The following KCNMA1 variants were observed in gnomAD, a reference collection of about 807,000 sequenced individuals.
KCNMA1 encodes potassium calcium-activated channel subfamily M alpha 1.
KCNMA1 carries 29 observed loss-of-function variants against 140.0 expected under a neutral mutation model. The ratio of observed to expected loss-of-function variants is 0.21; its 90% CI spans 0.15 to 0.28. KCNMA1 has a LOEUF of 0.28. Ranked by LOEUF, KCNMA1 falls within the 10% of genes least tolerant of loss-of-function variation. The probability of loss-of-function intolerance (pLI) is 1.00; values close to 1 mark genes in which losing one functional copy is unlikely to be tolerated. For synonymous variants in KCNMA1, 612 were observed against 611.9 expected (o/e 1.00, Z 0.00); for missense variants, 880 against 1,602.2 (o/e 0.55, Z 7.70).
At chr10:77,348,112 C>T (rs759485866) in intron 2 of KCNMA1, among the ~76,000 whole-genome samples, 11 of 152,260 alleles carry the variant, frequency 7.2e-5, no homozygotes, top group South Asian at 4.2e-4. Context: ...CTAGAATCAC[C>T]GGGATAAACA....
chr10:77,295,202 G>A (rs1452568678), intron 2 of KCNMA1, among the ~76,000 whole-genome samples: 1 of 151,454 alleles, frequency 6.6e-6, no homozygotes, highest in African/African-American at 2.4e-5. Flanking sequence ...ACAAAAATTA[G>A]CCAGCAAGGT....
intron 3 of KCNMA1, among the ~76,000 whole-genome samples, chr10:77,191,977 T>C (rs1431372187): frequency 1.3e-5 from 2 of 152,128 alleles, no homozygotes; most frequent in African/African-American, 2.4e-5. Flanking sequence ...ATGTATTCCA[T>C]GTTGAAATGA....
At chr10:77,473,003 C>T (rs1288805326) in intron 1 of KCNMA1, among the ~76,000 whole-genome samples, 1 of 152,214 alleles carries the variant, frequency 6.6e-6, no homozygotes, top group East Asian at 1.9e-4. Context: ...AGCGGGGCCA[C>T]CCACCAGGGT....
At chr10:76,891,492 C>G (rs761704297) in intron 26 of KCNMA1, 33 bp downstream of exon 26, 1 of 1,581,688 alleles carries the variant, frequency 6.3e-7, no homozygotes, top group East Asian at 2.2e-5. Context: ...TCCCAAACAG[C>G]AAGCTCAGGT....
intron 1 of KCNMA1, among the ~76,000 whole-genome samples, chr10:77,476,511 A>T (rs531558696): frequency 3.1e-4 from 47 of 152,276 alleles, no homozygotes; most frequent in African/African-American, 1.1e-3. Context: ...AGGCCTTAGC[A>T]CAGGGATCCC....
intron 24 of KCNMA1, 77 bp from the exon 25 acceptor site, chr10:76,910,173 G>C: frequency 6.5e-7 from 1 of 1,529,704 alleles, no homozygotes; most frequent in East Asian, 2.3e-5. Flanking sequence ...CCAGGCTACT[G>C]GTTTAGAAAT....
chr10:76,992,677 T>C (rs1565414586), intron 19 of KCNMA1, among the ~76,000 whole-genome samples: 1 of 152,092 alleles, frequency 6.6e-6, no homozygotes, highest in Non-Finnish European at 1.5e-5. Flanking sequence ...TTCCATGCAG[T>C]TTTAATGACC....
intron 2 of KCNMA1, among the ~76,000 whole-genome samples, chr10:77,280,328 TA>T (rs995196076): frequency 2.0e-5 from 3 of 152,228 alleles, no homozygotes; most frequent in African/African-American, 7.2e-5. Flanking sequence ...TATAATTCTG[TA>T]AATTGTACAT....
At chr10:77,608,764 C>T (rs2085530985) in intron 1 of KCNMA1, among the ~76,000 whole-genome samples, 1 of 152,190 alleles carries the variant, frequency 6.6e-6, no homozygotes, top group Non-Finnish European at 1.5e-5. Flanking sequence ...TATTTAACAT[C>T]TCTATCAAAA....
At chr10:77,174,529 A>C (rs1253405854) in intron 5 of KCNMA1, among the ~76,000 whole-genome samples, 1 of 152,214 alleles carries the variant, frequency 6.6e-6, no homozygotes, top group African/African-American at 2.4e-5. Flanking sequence ...TGAGTACCTG[A>C]AAAACAGCTG....
At chr10:76,958,734 C>T (rs1018727729) in intron 20 of KCNMA1, among the ~76,000 whole-genome samples, 1 of 152,126 alleles carries the variant, frequency 6.6e-6, no homozygotes, top group African/African-American at 2.4e-5. Context: ...AGGCCTGAAA[C>T]AGATCCTTCC....
chr10:77,315,284 G>C (rs1222176455), intron 2 of KCNMA1, among the ~76,000 whole-genome samples: 1 of 152,226 alleles, frequency 6.6e-6, no homozygotes, highest in Non-Finnish European at 1.5e-5. Flanking sequence ...GACTCACAAA[G>C]GAATGGTCAC....
intron 1 of KCNMA1, among the ~76,000 whole-genome samples, chr10:77,485,747 A>G (rs1476690738): frequency 6.6e-6 from 1 of 152,214 alleles, no homozygotes; most frequent in African/African-American, 2.4e-5. Flanking sequence ...GATCAGGGTC[A>G]GAGAGCAGGC....
At chr10:77,498,804 C>T (rs564076295) in intron 1 of KCNMA1, 3 of 152,048 alleles carry the variant, frequency 2.0e-5, no homozygotes, top group African/African-American at 7.2e-5. Flanking sequence ...GTAGAGAATG[C>T]AGCACTCAAA....
intron 1 of KCNMA1, among the ~76,000 whole-genome samples, chr10:77,516,496 A>G (rs2050499368): frequency 6.6e-6 from 1 of 152,232 alleles, no homozygotes; most frequent in Admixed American, 6.5e-5. Context: ...CGTTTTCTGC[A>G]GTATGCCCGG....
Position 77,499,536 on chromosome 10 carries a change from A to G in KCNMA1, c.379-95513T>C, listed in dbSNP as rs540261996. ...GCATCCAAACAGAAGATATCAGATT[A>G]TCTATGAAAAAAAAAGAGAAAAATC... On this transcript the variant is annotated intron_variant, in intron 1 of 27. Transcript: ENST00000286628. 2.4e-4 allele frequency among the ~76,000 whole-genome samples: 37 copies of G among 152,136 alleles called. 1 individual carries two copies. Among genetic ancestry groups the G allele is most frequent in the Middle Eastern group, 6.8e-3 (2 of 294 alleles).
At chr10:76,966,339 G>C (rs573378467) in intron 20 of KCNMA1, among the ~76,000 whole-genome samples, 11 of 152,320 alleles carry the variant, frequency 7.2e-5, no homozygotes, top group South Asian at 2.1e-4. Context: ...ATTTGTACGT[G>C]CAACTATGTG....
rs148164506 is a variant in KCNMA1 at position 77,543,600 on chromosome 10, A to C, written c.378+93665T>G. Among the ~76,000 whole-genome samples, 349 of 152,358 alleles carry C rather than the reference A, an allele frequency of 2.3e-3. 6 individuals are homozygous for C. In the South Asian group the frequency reaches 0.025, roughly 11 times the overall value. The stretch of plus-strand genomic sequence containing the variant: ...TGCTATAGAAGAAATTAACAAAAAC[A>C]TATATTCAATGAATTCAGAAAAGTT... On this transcript the variant is annotated intron_variant, in intron 1 of 27. Coordinates refer to ENST00000286628, the MANE Select transcript of KCNMA1 (RefSeq NM_001161352.2).
intron 2 of KCNMA1, among the ~76,000 whole-genome samples, chr10:77,400,454 C>G (rs2096226602): frequency 6.6e-6 from 1 of 152,160 alleles, no homozygotes; most frequent in Non-Finnish European, 1.5e-5. Context: ...TCCTCAGGAC[C>G]AAATTGGCTA....
Sources: allele counts gnomAD v4.1 joint callset (sites outside exome capture counted in the v4.1 genomes callset), GRCh38; gene constraint gnomAD v4.1.1; transcripts MANE v1.5; gene names NCBI Gene and HGNC (gene_info 2026-07-23, HGNC 2026-07-21).